The following CNTLN variants were observed in gnomAD, a reference collection of about 807,000 sequenced individuals.
CNTLN encodes the protein centlein, also known as centlein, centrosomal protein.
Under a neutral mutation model 180.0 loss-of-function variants are expected in CNTLN, and 212 were observed. The ratio of observed to expected loss-of-function variants is 1.18; its 90% confidence interval spans 1.05 to 1.32. The LOEUF (loss-of-function observed/expected upper bound fraction) is 1.32. Among genes scored for constraint, CNTLN ranks in the 40% most tolerant of loss-of-function variants. The pLI is 0.00. For missense variants in CNTLN, 2,095 were observed against 1,610.9 expected (o/e 1.30, Z -5.14); for synonymous variants, 722 against 563.1 (o/e 1.28, Z -3.99).
chr9:17,269,705 G>T (rs1254202059), intron 5 of CNTLN, among the ~76,000 whole-genome samples: 6 of 152,214 alleles, frequency 3.9e-5, no homozygotes, highest in African/African-American at 1.4e-4. Flanking sequence ...TGTTTCATGT[G>T]CCATTAAGAT....
At chr9:17,480,367 A>AT (rs1832581798) in intron 23 of CNTLN, among the ~76,000 whole-genome samples, 1 of 151,804 alleles carries the variant, frequency 6.6e-6, no homozygotes, top group Admixed American at 6.6e-5. Flanking sequence ...GCAAAAAAAA[A>AT]AAAACACATT....
rs753805788 is a variant in CNTLN at position 17,226,275 on chromosome 9, AG to A, written c.523del (p.Glu175AsnfsTer9). 6.4e-7 allele frequency: 1 copy of A among 1,566,354 alleles called. No homozygotes were observed. The highest frequency in any genetic ancestry group is 1.4e-5 in the African/African-American group (1 of 72,908). Reference protein sequence around the residue: ...ILQVKDAKIQEFEQRESVLKQ... With the variant: ...ILQVKDAKIQXFEQRESVLKQ... Reference sequence around the variant, plus strand: ...TGCAAGTCAAGGATGCCAAAATACAAGAATTTGAACAGGTTGGTGTTATAAT... The same window carrying A: ...TGCAAGTCAAGGATGCCAAAATACAAAATTTGAACAGGTTGGTGTTATAAT... On this transcript the variant is annotated frameshift_variant, in exon 3 of 26. Coordinates refer to ENST00000380647, the MANE Select transcript of CNTLN (RefSeq NM_017738.4). LOFTEE classifies it high-confidence loss of function.
Position 17,345,785 on chromosome 9 carries a change from C to T in CNTLN, c.1886+3341C>T, listed in dbSNP as rs147433118. Among the ~76,000 whole-genome samples, 425 of 152,074 alleles carry T rather than the reference C, an allele frequency of 2.8e-3. 1 individual carries two copies. The highest frequency in any genetic ancestry group is 9.8e-3 in the African/African-American group (408 of 41,484). ...TAATTATAAACCACAAAACATGGGT[C>T]GTCTCTTATGTTTACCCATAAGAGA... On this transcript the variant is annotated intron_variant, in intron 12 of 25. Transcript: ENST00000380647.
At chr9:17,270,767 T>C (rs1317572503) in intron 5 of CNTLN, among the ~76,000 whole-genome samples, 2 of 152,094 alleles carry the variant, frequency 1.3e-5, no homozygotes, top group Admixed American at 1.3e-4. Context: ...TGTGTTGATA[T>C]TTGTAACATT....
At chr9:17,152,632 T>C (rs1586927933) in intron 2 of CNTLN, among the ~76,000 whole-genome samples, 1 of 152,200 alleles carries the variant, frequency 6.6e-6, no homozygotes, top group Admixed American at 6.5e-5. Flanking sequence ...AGAATGTATA[T>C]TCTGTTGATT....
At chr9:17,368,684 AG>A (rs1824040406) in intron 13 of CNTLN, among the ~76,000 whole-genome samples, 1 of 152,214 alleles carries the variant, frequency 6.6e-6, no homozygotes, top group African/African-American at 2.4e-5. Flanking sequence ...GGAGAAGGAA[AG>A]AAAACAAGAG....
At chr9:17,460,664 A>T (rs1389030753) in intron 19 of CNTLN, among the ~76,000 whole-genome samples, 2 of 151,724 alleles carry the variant, frequency 1.3e-5, no homozygotes, top group Non-Finnish European at 3.0e-5. Context: ...GCATTGTTTT[A>T]TTTATTATAA....
chr9:17,349,866 C>A (rs2044119), intron 12 of CNTLN, among the ~76,000 whole-genome samples: 1 of 151,970 alleles, frequency 6.6e-6, no homozygotes, highest in Non-Finnish European at 1.5e-5. Context: ...AGGCACTAAC[C>A]AGGGGCTGAA....
At chr9:17,183,715 A>C (rs1821261172) in intron 2 of CNTLN, among the ~76,000 whole-genome samples, 1 of 152,090 alleles carries the variant, frequency 6.6e-6, no homozygotes, top group African/African-American at 2.4e-5. Context: ...ATAATTATAT[A>C]TAAACAATGC....
At chr9:17,245,493 A>C (rs1350107378) in intron 5 of CNTLN, among the ~76,000 whole-genome samples, 1 of 118,496 alleles carries the variant, frequency 8.4e-6, no homozygotes, top group Non-Finnish European at 1.8e-5. Context: ...GGACTTTGGG[A>C]TTTTGATTAT....
At chr9:17,192,390 C>T (rs981782786) in intron 2 of CNTLN, among the ~76,000 whole-genome samples, 1 of 152,060 alleles carries the variant, frequency 6.6e-6, no homozygotes, top group Non-Finnish European at 1.5e-5. Flanking sequence ...AGGCGCCTGC[C>T]ACCGTGCCCG....
intron 23 of CNTLN, among the ~76,000 whole-genome samples, chr9:17,483,965 G>A (rs1436045493): frequency 6.6e-6 from 1 of 152,180 alleles, no homozygotes; most frequent in Non-Finnish European, 1.5e-5. Flanking sequence ...CTGACTCTTA[G>A]TGTTAGGTCA....
At chr9:17,409,646 TAC>T (rs1827686757) in intron 16 of CNTLN, among the ~76,000 whole-genome samples, 173 bp downstream of exon 16, 1 of 152,150 alleles carries the variant, frequency 6.6e-6, no homozygotes, top group Non-Finnish European at 1.5e-5. Context: ...ACTTGTTTGT[TAC>T]AGTCTTTTTC....
chr9:17,170,257 G>A (rs1297686529), intron 2 of CNTLN, among the ~76,000 whole-genome samples: 1 of 152,038 alleles, frequency 6.6e-6, no homozygotes, highest in Non-Finnish European at 1.5e-5. Flanking sequence ...AACTAAATTT[G>A]TTTACTAGTT....
chr9:17,291,836 G>C (rs1829432343), intron 6 of CNTLN, among the ~76,000 whole-genome samples: 1 of 152,162 alleles, frequency 6.6e-6, no homozygotes, highest in African/African-American at 2.4e-5. Flanking sequence ...CTGTGAATTT[G>C]ATCCTGTTAT....
chr9:17,346,155 CT>C (rs1394498068), intron 12 of CNTLN, among the ~76,000 whole-genome samples: 4 of 152,080 alleles, frequency 2.6e-5, no homozygotes, highest in Admixed American at 6.5e-5. Context: ...AAGCAAGGAC[CT>C]TTTTCGCATG....
At chr9:17,322,772 T>C (rs1162890575) in intron 8 of CNTLN, among the ~76,000 whole-genome samples, 1 of 152,190 alleles carries the variant, frequency 6.6e-6, no homozygotes, top group Non-Finnish European at 1.5e-5. Context: ...AGAGTATTTT[T>C]TGTTAGAATA....
chr9:17,429,049 A>T lies in CNTLN; in HGVS notation c.3114+12860A>T, dbSNP rs10481509. ...AGAAATGCTCTAGAAATATCATCAG[A>T]TATTACATATTTGGCTTTGTATATT... is the stretch of plus-strand genomic sequence containing the variant. On this transcript the variant is annotated intron_variant, in intron 18 of 25. Coordinates refer to ENST00000380647, the MANE Select transcript of CNTLN (RefSeq NM_017738.4). Among the ~76,000 whole-genome samples, 1,258 of 152,122 alleles carry T rather than the reference A, an allele frequency of 8.3e-3. 13 individuals carry two copies. The highest frequency in any genetic ancestry group is 0.028 in the African/African-American group (1,157 of 41,550).
intron 8 of CNTLN, among the ~76,000 whole-genome samples, chr9:17,322,178 G>C (rs1030006948): frequency 6.6e-6 from 1 of 151,786 alleles, no homozygotes; most frequent in East Asian, 1.9e-4. Context: ...AATGATTTTT[G>C]GATAGTTTGA....
Sources: allele counts gnomAD v4.1 joint callset (sites outside exome capture counted in the v4.1 genomes callset), GRCh38; gene constraint gnomAD v4.1.1; transcripts MANE v1.5; gene names NCBI Gene and HGNC (gene_info 2026-07-23, HGNC 2026-07-21).